LOC400499: variants seen among roughly 807,000 people sequenced by gnomAD.
the LOC400499 span, among the ~76,000 whole-genome samples, chr16:11,452,486 G>T: frequency 6.6e-6 from 1 of 152,188 alleles, no homozygotes; most frequent in East Asian, 1.9e-4. Context: ...GCCCCTCTGG[G>T]TACCCGAGGA....
the LOC400499 span, among the ~76,000 whole-genome samples, chr16:11,439,828 A>G: frequency 6.6e-6 from 1 of 151,940 alleles, no homozygotes; most frequent in East Asian, 1.9e-4. Context: ...ACTCCCTGCC[A>G]TGTTGCCTGT....
the LOC400499 span, among the ~76,000 whole-genome samples, chr16:11,501,269 G>A: frequency 6.6e-6 from 1 of 152,110 alleles, no homozygotes; most frequent in African/African-American, 2.4e-5. Context: ...CACCGAGAAG[G>A]GGTAAAAATC....
chr16:11,448,056 C>T, the LOC400499 span: 7 of 1,535,224 alleles, frequency 4.6e-6, no homozygotes, highest in African/African-American at 6.8e-5. Flanking sequence ...CCGTGAGCGA[C>T]ACCTGGGTCT....
chr16:11,440,388 G>C, the LOC400499 span, among the ~76,000 whole-genome samples: 1 of 152,158 alleles, frequency 6.6e-6, no homozygotes, highest in Non-Finnish European at 1.5e-5. Flanking sequence ...GCACATAAAA[G>C]CCTCCTACAT....
At chr16:11,506,834 G>C in the LOC400499 span, among the ~76,000 whole-genome samples, 1 of 152,200 alleles carries the variant, frequency 6.6e-6, no homozygotes, top group East Asian at 1.9e-4. Flanking sequence ...AAGCTCATGA[G>C]GTCTATCCCC....
At chr16:11,483,615 C>T in the LOC400499 span, among the ~76,000 whole-genome samples, 1 of 151,528 alleles carries the variant, frequency 6.6e-6, no homozygotes, top group African/African-American at 2.4e-5. Flanking sequence ...CTTGTAATCC[C>T]AGCACTTTGA....
At chr16:11,518,748 T>C in the LOC400499 span, among the ~76,000 whole-genome samples, 1 of 152,154 alleles carries the variant, frequency 6.6e-6, no homozygotes, top group Non-Finnish European at 1.5e-5. Flanking sequence ...CAGTCCAAGA[T>C]GGCATCTCTT....
chr16:11,524,988 C>T, the LOC400499 span, among the ~76,000 whole-genome samples: 2 of 152,124 alleles, frequency 1.3e-5, no homozygotes, highest in East Asian at 1.9e-4. Context: ...TTTAATCCCT[C>T]GAAAAACACA....
the LOC400499 span, among the ~76,000 whole-genome samples, chr16:11,442,037 A>G: frequency 6.6e-6 from 1 of 152,190 alleles, no homozygotes; most frequent in African/African-American, 2.4e-5. Context: ...ACACAGTAGC[A>G]TGTTGCCATC....
the LOC400499 span, among the ~76,000 whole-genome samples, chr16:11,399,978 G>C: frequency 6.6e-6 from 1 of 152,004 alleles, no homozygotes; most frequent in Non-Finnish European, 1.5e-5. Context: ...CTAGGATGGA[G>C]GGTGGAGAGA....
At chr16:11,411,418 C>T in the LOC400499 span, 116 of 398,214 alleles carry the variant, frequency 2.9e-4, 1 homozygote, top group Non-Finnish European at 4.9e-5. Context: ...GGGACTTCCC[C>T]GAGAGAGAGT....
At chr16:11,425,569 G>C in the LOC400499 span, 1 of 397,618 alleles carries the variant, frequency 2.5e-6, no homozygotes, top group Non-Finnish European at 4.4e-6. Flanking sequence ...GTCAGAAATG[G>C]CACATTTGTG....
chr16:11,510,756 C>A, the LOC400499 span, among the ~76,000 whole-genome samples: 2 of 151,638 alleles, frequency 1.3e-5, no homozygotes, highest in East Asian at 3.9e-4. Context: ...TGATGACCTG[C>A]CAAGAATCTG....
the LOC400499 span, chr16:11,392,035 G>C: frequency 2.5e-6 from 1 of 402,690 alleles, no homozygotes; most frequent in Non-Finnish European, 4.4e-6. Context: ...TCTCACAGAG[G>C]CACCCAAGCC....
chr16:11,510,359 G>A, the LOC400499 span, among the ~76,000 whole-genome samples: 6 of 151,798 alleles, frequency 4.0e-5, no homozygotes, highest in Non-Finnish European at 8.8e-5. Context: ...CCCCCCAGGT[G>A]CCTGGGACAC....
At chr16:11,394,255 G>A in the LOC400499 span, among the ~76,000 whole-genome samples, 1 of 152,210 alleles carries the variant, frequency 6.6e-6, no homozygotes, top group African/African-American at 2.4e-5. Context: ...CCAGCCTTGG[G>A]GGCACGGCAG....
At chr16:11,490,613 A>T in the LOC400499 span, among the ~76,000 whole-genome samples, 1 of 152,260 alleles carries the variant, frequency 6.6e-6, no homozygotes, top group Admixed American at 6.5e-5. Context: ...AGGAAGGAGA[A>T]TGGCATGAAC....
the LOC400499 span, among the ~76,000 whole-genome samples, chr16:11,438,851 T>G: frequency 1.0e-3 from 157 of 152,120 alleles, no homozygotes; most frequent in East Asian, 2.5e-3. Context: ...TCTTAGCACT[T>G]TGGAAGGTTG....
chr16:11,475,521 C>A, the LOC400499 span: 4 of 396,126 alleles, frequency 1.0e-5, no homozygotes, highest in East Asian at 1.4e-4. Flanking sequence ...AATATGAATA[C>A]TTTTAGGGCA....
Sources: gnomAD v4.1 joint callset for allele counts (sites outside exome capture counted in the v4.1 genomes callset) on GRCh38, gnomAD v4.1.1 for gene constraint, MANE v1.5 for transcripts.